The following INSC variants were observed in gnomAD, a reference collection of about 807,000 sequenced individuals.
The protein encoded by INSC is protein inscuteable homolog.
Under a neutral mutation model 58.6 loss-of-function variants are expected in INSC, and 67 were observed. The ratio of observed to expected loss-of-function variants is 1.14; its 90% CI spans 0.94 to 1.40. INSC has a LOEUF of 1.40. Ranked by LOEUF, INSC falls within the 40% of genes most tolerant of loss-of-function variation. The pLI is 0.00. For synonymous variants in INSC, 262 were observed against 276.1 expected (o/e 0.95, Z 0.51); for missense variants, 714 against 692.0 (o/e 1.03, Z -0.36).
chr11:15,243,880 G>T (rs1852456196), intron 12 of INSC, among the ~76,000 whole-genome samples: 1 of 145,380 alleles, frequency 6.9e-6, no homozygotes. Flanking sequence ...TATTTTCTTT[G>T]CCACTATTTC....
chr11:15,173,317 A>T (rs1381728418), intron 2 of INSC, among the ~76,000 whole-genome samples: 1 of 152,218 alleles, frequency 6.6e-6, no homozygotes, highest in Non-Finnish European at 1.5e-5. Context: ...AAAACCTTAT[A>T]AATGTATATA....
intron 1 of INSC, among the ~76,000 whole-genome samples, chr11:15,115,397 G>A (rs1184254342): frequency 6.6e-6 from 1 of 152,212 alleles, no homozygotes; most frequent in Admixed American, 6.5e-5. Context: ...ATGTGCCAGT[G>A]TGAACCCAGG....
At chr11:15,203,895 T>C (rs941840533) in intron 7 of INSC, among the ~76,000 whole-genome samples, 6 of 152,198 alleles carry the variant, frequency 3.9e-5, no homozygotes, top group African/African-American at 1.4e-4. Context: ...CATGAAAGCT[T>C]CTGTGAAATT....
rs150736604 is a variant in INSC, at chr11:15,234,809, C to T, written c.1171-793C>T. Among the ~76,000 whole-genome samples, 53 of 152,216 alleles carry T rather than the reference C, an allele frequency of 3.5e-4. 1 individual carries two copies. Among genetic ancestry groups the T allele is most frequent in the African/African-American group, 1.1e-3 (44 of 41,524 alleles). ...CCAGTAGCATTTTGGCACCCTTTTG[C>T]AGTTTGGGGTCCCTGGAATGAGTCC... On this transcript the variant is annotated intron_variant, in intron 9 of 12. Transcript: ENST00000379556.
In INSC at chr11:15,149,186, G is replaced by A. The variant is rs1000188863; in HGVS notation, c.12G>A (p.Leu4=). 1 of 1,610,842 alleles carries A rather than the reference G, an allele frequency of 6.2e-7. No homozygotes were observed. The highest frequency in any genetic ancestry group is 8.5e-7 in the Non-Finnish European group (1 of 1,178,684). MMA[L]PGGRHLDSVT... is the part of the protein sequence containing the mutation. ...AGATTGGGATCAACATGATGGCACT[G>A]CCTGGAGGTCGCCACCTGGACTCCG... The change falls in exon 2 of 13, where the codon CTG becomes CTA. Residue 4 remains leucine, a synonymous_variant. Coordinates refer to ENST00000379556, the MANE Select transcript of INSC (RefSeq NM_001042536.3).
At chr11:15,167,366 C>A (rs918621058) in intron 2 of INSC, among the ~76,000 whole-genome samples, 9 of 152,058 alleles carry the variant, frequency 5.9e-5, no homozygotes, top group African/African-American at 2.2e-4. Context: ...CCCGCACTTA[C>A]TAATTTGTTC....
chr11:15,158,563 C>T (rs1178843646), intron 2 of INSC, among the ~76,000 whole-genome samples: 3 of 152,098 alleles, frequency 2.0e-5, no homozygotes, highest in Admixed American at 6.5e-5. Context: ...CTTCTGTGAT[C>T]GTAGTCTATC....
At chr11:15,226,355 T>C (rs1359877678) in intron 9 of INSC, among the ~76,000 whole-genome samples, 2 of 152,180 alleles carry the variant, frequency 1.3e-5, no homozygotes, top group Non-Finnish European at 2.9e-5. Context: ...TCTACATCAG[T>C]CATAATTGTC....
downstream of INSC, among the ~76,000 whole-genome samples, chr11:15,248,566 A>G (rs1407247425): frequency 5.3e-5 from 8 of 152,164 alleles, no homozygotes; most frequent in Non-Finnish European, 1.2e-4. Flanking sequence ...AGGGGAAGCA[A>G]ATGATTTTTC....
intron 5 of INSC, among the ~76,000 whole-genome samples, chr11:15,186,717 T>C (rs1714373): frequency 0.19 from 28,506 of 152,188 alleles, 2,939 homozygotes; most frequent in South Asian, 0.26. Flanking sequence ...TCCTAATTCA[T>C]GCATTTTTCC....
At chr11:15,260,706 G>T in the INSC span, among the ~76,000 whole-genome samples, 1 of 152,088 alleles carries the variant, frequency 6.6e-6, no homozygotes, top group Admixed American at 6.6e-5. Context: ...AGACCTGGGG[G>T]ACAAATAAAT....
rs552016232 is a variant in INSC, at chr11:15,239,687, A to G, written c.1393+613A>G. 1.8e-4 allele frequency among the ~76,000 whole-genome samples: 28 copies of G among 152,322 alleles called. No individual in the cohort carries two copies. In the South Asian group the frequency reaches 5.8e-3, roughly 32 times the overall value. Reference sequence around the variant, plus strand: ...ATAAAAAAAGAGATATTCTCACTTCAGTATCATGGGAGTGACACCCAAAGC... The same window carrying G: ...ATAAAAAAAGAGATATTCTCACTTCGGTATCATGGGAGTGACACCCAAAGC... On this transcript the variant is annotated intron_variant, in intron 11 of 12. Coordinates refer to ENST00000379556, the MANE Select transcript of INSC (RefSeq NM_001042536.3).
rs80322705 is a variant in INSC at position 15,190,524 on chromosome 11, T to C, written c.580-177T>C. 0.013 allele frequency among the ~76,000 whole-genome samples: 2,053 copies of C among 152,304 alleles called. 110 individuals carry two copies. In the East Asian group the frequency reaches 0.15, roughly 11 times the overall value. ...CTAAAATGTAGCTTAGACCTCACCC[T>C]GACTGATACCTTTCCCAAAGCTAGA... On this transcript the variant is annotated intron_variant, in intron 5 of 12. Transcript: ENST00000379556.
At chr11:15,149,502 T>C (rs1848583626) in intron 2 of INSC, among the ~76,000 whole-genome samples, 1 of 152,126 alleles carries the variant, frequency 6.6e-6, no homozygotes, top group South Asian at 2.1e-4. Flanking sequence ...ATCGAATGGG[T>C]GTGCTAGTAA....
chr11:15,188,387 G>T (rs546633360), intron 5 of INSC: 4 of 984,582 alleles, frequency 4.1e-6, no homozygotes, highest in South Asian at 9.4e-5. Context: ...TCAAAAATGG[G>T]ATGTCAAATT....
chr11:15,205,461 T>A (rs1162305704), intron 7 of INSC, among the ~76,000 whole-genome samples: 2 of 152,194 alleles, frequency 1.3e-5, no homozygotes, highest in African/African-American at 4.8e-5. Context: ...GCCTATAAAA[T>A]CTACCTCATG....
chr11:15,151,470 G>C (rs907202922), intron 2 of INSC, among the ~76,000 whole-genome samples: 1 of 152,144 alleles, frequency 6.6e-6, no homozygotes, highest in African/African-American at 2.4e-5. Flanking sequence ...TACCTCCCTG[G>C]GGGGTGGTCA....
At chr11:15,266,612 T>C in the INSC span, among the ~76,000 whole-genome samples, 1 of 152,012 alleles carries the variant, frequency 6.6e-6, no homozygotes, top group Non-Finnish European at 1.5e-5. Context: ...ATGCACATCT[T>C]TTTGGTAGAA....
the INSC span, among the ~76,000 whole-genome samples, chr11:15,257,222 T>A: frequency 6.6e-6 from 1 of 152,308 alleles, no homozygotes; most frequent in Non-Finnish European, 1.5e-5. Flanking sequence ...ACGTATCCAT[T>A]ATTATTTACT....
Sources: gnomAD v4.1 joint callset for allele counts (sites outside exome capture counted in the v4.1 genomes callset) on GRCh38, gnomAD v4.1.1 for gene constraint, MANE v1.5 for transcripts, NCBI Gene and HGNC (gene_info 2026-07-23, HGNC 2026-07-21) for gene names.